The following ABLIM1 variants were observed in gnomAD, a reference collection of about 807,000 sequenced individuals.
ABLIM1 encodes the protein actin binding LIM protein 1.
ABLIM1 carries 40 observed loss-of-function variants against 107.0 expected under a neutral mutation model. The observed-to-expected ratio is 0.37, with a 90% confidence interval of 0.29 to 0.49. ABLIM1 has a LOEUF of 0.49. ABLIM1 is among the 20% of genes least tolerant of loss of function. The pLI, the probability that ABLIM1 is intolerant of heterozygous loss-of-function variation, is 0.97. For missense variants in ABLIM1, 857 were observed against 1,008.5 expected (o/e 0.85, Z 2.04); for synonymous variants, 357 against 357.3 (o/e 1.00, Z 0.01).
intron 1 of ABLIM1, among the ~76,000 whole-genome samples, chr10:114,677,001 T>C (rs2141486019): frequency 6.6e-6 from 1 of 152,288 alleles, no homozygotes. Flanking sequence ...CCTCCCAAAG[T>C]GCTGGGATTA....
At chr10:114,760,186 G>A (rs908228607) in intron 1 of ABLIM1, among the ~76,000 whole-genome samples, 3 of 151,788 alleles carry the variant, frequency 2.0e-5, no homozygotes, top group South Asian at 2.1e-4. Context: ...ATTGAATCTC[G>A]GTGAGAAAGG....
At chr10:114,638,384 C>T (rs1195126488) in intron 1 of ABLIM1, among the ~76,000 whole-genome samples, 1 of 152,160 alleles carries the variant, frequency 6.6e-6, no homozygotes, top group Admixed American at 6.5e-5. Flanking sequence ...CCCTTTATAA[C>T]CTACCCTCAC....
chr10:114,709,636 C>T (rs764053571), intron 1 of ABLIM1, among the ~76,000 whole-genome samples: 21 of 152,080 alleles, frequency 1.4e-4, no homozygotes, highest in African/African-American at 2.4e-4. Context: ...AGAGGAAAGG[C>T]GAAAGGTTCT....
upstream of ABLIM1, among the ~76,000 whole-genome samples, chr10:114,688,456 A>G (rs1429409994): frequency 6.6e-6 from 1 of 152,200 alleles, no homozygotes; most frequent in East Asian, 1.9e-4. Flanking sequence ...AGCCCAAATC[A>G]TTGGTCCTAT....
At chr10:114,622,847 G>A (rs1396833884) in intron 1 of ABLIM1, among the ~76,000 whole-genome samples, 10 of 152,144 alleles carry the variant, frequency 6.6e-5, no homozygotes, top group Non-Finnish European at 1.2e-4. Context: ...AGTAAATATT[G>A]TACAGTGGTA....
rs565828188 is a variant in ABLIM1, at chr10:114,755,422, A to G, written c.-213+12639T>C. ...AAACAGGAGTGACTATGGCCTTCCA[A>G]TTCTGAATATTTCAGATACCAAGTG... On this transcript the variant is annotated intron_variant, in intron 1 of 15. Coordinates refer to the ABLIM1 transcript ENST00000651092. Among the ~76,000 whole-genome samples the G allele has an allele frequency of 2.1e-4, 32 of 152,310 alleles. 1 individual carries two copies. The South Asian group carries it at 6.6e-3, about 32-fold the overall frequency.
At chr10:114,458,287 T>C (rs2063215443) in intron 12 of ABLIM1, among the ~76,000 whole-genome samples, 1 of 152,202 alleles carries the variant, frequency 6.6e-6, no homozygotes, top group Admixed American at 6.5e-5. Context: ...CCTTCATTTT[T>C]ACCTCCTTTC....
intron 6 of ABLIM1, among the ~76,000 whole-genome samples, chr10:114,529,969 G>A (rs1195475645): frequency 6.6e-6 from 1 of 152,228 alleles, no homozygotes; most frequent in Non-Finnish European, 1.5e-5. Flanking sequence ...AGAGGTTGCA[G>A]TGATCTGAGA....
rs187965064 is a variant in ABLIM1, at chr10:114,646,360, T to A, written c.244+11597A>T. On this transcript the variant is annotated intron_variant, in intron 1 of 22. Coordinates refer to ENST00000533213, the MANE Select transcript of ABLIM1 (RefSeq NM_002313.7). ...CAATTGAGAACTAGGTGGGCAAAAA[T>A]CAAAGGAAAAAATGAAGAGAAACAA... 4.1e-3 allele frequency among the ~76,000 whole-genome samples: 625 copies of A among 152,088 alleles called. 5 individuals carry two copies. The highest frequency in any genetic ancestry group is 0.014 in the African/African-American group (596 of 41,504).
intron 10 of ABLIM1, among the ~76,000 whole-genome samples, chr10:114,469,007 A>G (rs529140641): frequency 2.5e-4 from 36 of 143,120 alleles, no homozygotes; most frequent in African/African-American, 8.6e-4. Context: ...AGCCGAGATC[A>G]CGCCACTGCA....
intron 19 of ABLIM1, among the ~76,000 whole-genome samples, chr10:114,440,340 G>C (rs559518615): frequency 7.9e-5 from 12 of 152,228 alleles, no homozygotes; most frequent in African/African-American, 2.4e-4. Context: ...GGTACTTACT[G>C]CTTCCTTCTC....
chr10:114,496,271 C>CGG, intron 6 of ABLIM1, among the ~76,000 whole-genome samples: 1 of 152,168 alleles, frequency 6.6e-6, no homozygotes, highest in Non-Finnish European at 1.5e-5. Context: ...CTCTATAAAT[C>CGG]ATTAGTAAAA....
At chr10:114,578,715 A>G (rs2139095443) in intron 2 of ABLIM1, among the ~76,000 whole-genome samples, 2 of 149,980 alleles carry the variant, frequency 1.3e-5, no homozygotes, top group East Asian at 2.0e-4. Context: ...CAACATCAAC[A>G]TCTTCAACTG....
rs79145028 is a variant in ABLIM1, at chr10:114,749,125, G to A, written c.-213+18936C>T. On this transcript the variant is annotated intron_variant, in intron 1 of 15. Coordinates refer to the ABLIM1 transcript ENST00000651092. ...TTCATGCGTATACTGAAAACATAAT[G>A]ATTTATGGTCAGACACCTTGCTTTC... is the stretch of plus-strand genomic sequence containing the variant. Among the ~76,000 whole-genome samples, 969 of 152,230 alleles carry A rather than the reference G, an allele frequency of 6.4e-3. 7 individuals are homozygous for A. The highest frequency in any genetic ancestry group is 0.022 in the African/African-American group (925 of 41,536).
rs189709328 is a variant in ABLIM1, at chr10:114,526,453, G to T, written c.894+18552C>A. On this transcript the variant is annotated intron_variant, in intron 6 of 22. Transcript: ENST00000533213. The stretch of plus-strand genomic sequence containing the variant: ...TCTAGTTCTGTATCGATGAACAAAA[G>T]CTCCTGTCGTTTCTTTTGTATCATC... Among the ~76,000 whole-genome samples the T allele has an allele frequency of 2.1e-4, 32 of 152,254 alleles. 1 individual carries two copies. The highest frequency in any genetic ancestry group is 7.8e-4 in the Admixed American group (12 of 15,298).
upstream of ABLIM1, among the ~76,000 whole-genome samples, chr10:114,769,508 G>GAAGGAAGGAAGGGAAGGAGAAAAGA (rs369104166): frequency 8.7e-3 from 1,280 of 147,146 alleles, 6 homozygotes; most frequent in Middle Eastern, 0.011. Flanking sequence ...GGAAGAGAGA[G>GAAGGAAGGAAGGGAAGGAGAAAAGA]AAGGAAGGAA....
At chr10:114,687,825 A>G (rs1933821361), upstream of ABLIM1, among the ~76,000 whole-genome samples, 1 of 152,214 alleles carries the variant, frequency 6.6e-6, no homozygotes, top group Non-Finnish European at 1.5e-5. Flanking sequence ...TAAAAACTAA[A>G]TTTCTTAAAA....
the ABLIM1 span, among the ~76,000 whole-genome samples, chr10:114,784,842 G>T: frequency 6.6e-6 from 1 of 151,902 alleles, no homozygotes; most frequent in Non-Finnish European, 1.5e-5. Context: ...CAAAACATAT[G>T]CCTTATTATG....
At chr10:114,766,091 C>T (rs527315544) in intron 1 of ABLIM1, among the ~76,000 whole-genome samples, 2 of 152,236 alleles carry the variant, frequency 1.3e-5, no homozygotes, top group African/African-American at 4.8e-5. Flanking sequence ...CAGGATCTGC[C>T]ATTTACCAAG....
Sources: gnomAD v4.1 joint callset for allele counts (sites outside exome capture counted in the v4.1 genomes callset) on GRCh38, gnomAD v4.1.1 for gene constraint, MANE v1.5 for transcripts, NCBI Gene and HGNC (gene_info 2026-07-23, HGNC 2026-07-21) for gene names.